The following PRAMEF15 variants were observed in gnomAD, a reference collection of about 807,000 sequenced individuals.
PRAMEF15 encodes the protein PRAME family member 9/15.
In PRAMEF15, 21 loss-of-function variants were observed where a neutral mutation model predicts 35.3. The ratio of observed to expected loss-of-function variants is 0.59; its 90% CI spans 0.42 to 0.86. The LOEUF is 0.86. Ranked by LOEUF, PRAMEF15 falls within the 40% of genes least tolerant of loss-of-function variation. The pLI is 0.00. For missense variants in PRAMEF15, 360 were observed against 574.1 expected, an observed-to-expected ratio of 0.63 and a Z score of 3.81; for synonymous variants, 122 against 223.3, an observed-to-expected ratio of 0.55 and a Z score of 4.05.
Position 13,322,582 on chromosome 1 carries a change from A to C in PRAMEF15, c.*318A>C. The C allele has an allele frequency of 2.7e-6, 1 of 372,324 alleles. No homozygotes were observed. The highest frequency in any genetic ancestry group is 4.9e-6 in the Non-Finnish European group (1 of 205,438). The allele number at this position is 372,324 out of a possible 1,614,324, so 23.1% of individuals were successfully genotyped here. On this transcript the variant is annotated 3_prime_UTR_variant, in exon 4 of 4. Coordinates refer to ENST00000376152, the MANE Select transcript of PRAMEF15 (RefSeq NM_001098376.3). ...GTTGTAAAGAAACAATCAGAAATAA[A>C]GGAAAACTGAGCAGAATCTGTCTGG...
rs2100318684 is a variant in PRAMEF15 at position 13,318,407 on chromosome 1, C to A, written c.-1C>A. 6 of 1,612,324 alleles carry A rather than the reference C, an allele frequency of 3.7e-6. No homozygotes were observed. Among genetic ancestry groups the A allele is most frequent in the East Asian group, 2.2e-5 (1 of 44,868 alleles). On this transcript the variant is annotated 5_prime_UTR_variant, in exon 2 of 4. Coordinates refer to ENST00000376152, the MANE Select transcript of PRAMEF15 (RefSeq NM_001098376.3). The stretch of plus-strand genomic sequence containing the variant: ...CCTCTGGAAGTTTTCCCTGCAGATT[C>A]ATGAAGATGAGCATCCGGACTCCAC...
intron 1 of PRAMEF15, among the ~76,000 whole-genome samples, chr1:13,316,640 G>C (rs1640009196): frequency 6.6e-6 from 1 of 151,884 alleles, no homozygotes; most frequent in Admixed American, 6.6e-5. Context: ...GGGCGACGAT[G>C]TGAGACTCAG....
chr1:13,317,178 T>TC (rs1354923050), intron 1 of PRAMEF15, among the ~76,000 whole-genome samples: 2 of 151,674 alleles, frequency 1.3e-5, no homozygotes, highest in Non-Finnish European at 2.9e-5. Context: ...CAAGTGATCC[T>TC]CCTACCTCAG....
In PRAMEF15 at chr1:13,317,869, G is replaced by C. The variant is rs1231935792; in HGVS notation, c.-16-523G>C. Among the ~76,000 whole-genome samples, 3 of 149,846 alleles carry C rather than the reference G, an allele frequency of 2.0e-5. 1 individual carries two copies. Among genetic ancestry groups the C allele is most frequent in the African/African-American group, 7.5e-5 (3 of 40,120 alleles). On this transcript the variant is annotated intron_variant, in intron 1 of 3. Transcript: ENST00000376152. ...GAAAGAAAGAAGGGAGAGAGAGGGG[G>C]AAAGAAAGAAAGAAGGGAGGGAGAG...
intron 1 of PRAMEF15, among the ~76,000 whole-genome samples, 164 bp from the exon 2 acceptor site, chr1:13,318,228 A>G (rs1640031842): frequency 6.6e-6 from 1 of 152,120 alleles, no homozygotes; most frequent in African/African-American, 2.4e-5. Flanking sequence ...GATGCAGCAG[A>G]GGCAGAATGC....
intron 2 of PRAMEF15, among the ~76,000 whole-genome samples, chr1:13,319,031 TACA>T (rs1232070591): frequency 2.0e-5 from 3 of 151,860 alleles, no homozygotes; most frequent in African/African-American, 7.3e-5. Flanking sequence ...CCAACTCTAC[TACA>T]AATACAAAAA....
rs2100321209 is a variant in PRAMEF15 at position 13,319,352 on chromosome 1, T to C, written c.294-20T>C. 1 of 1,608,988 alleles carries C rather than the reference T, an allele frequency of 6.2e-7. No homozygotes were observed. Among genetic ancestry groups the C allele is most frequent in the South Asian group, 1.1e-5 (1 of 90,966 alleles). On this transcript the variant is annotated intron_variant, in intron 2 of 3. Transcript: ENST00000376152. Reference sequence around the variant, plus strand: ...GAAATGAGTTCTTAAATTCTCAGTCTCACCTCTATTTTGCCACAGGAGGTG... The same window carrying C: ...GAAATGAGTTCTTAAATTCTCAGTCCCACCTCTATTTTGCCACAGGAGGTG...
chr1:13,316,145 A>G (rs1399066282), intron 1 of PRAMEF15, among the ~76,000 whole-genome samples: 1 of 151,692 alleles, frequency 6.6e-6, no homozygotes, highest in South Asian at 2.1e-4. Flanking sequence ...CTGGTGTCAC[A>G]GACATCTGAA....
intron 3 of PRAMEF15, among the ~76,000 whole-genome samples, chr1:13,321,215 T>TC (rs1374885208): frequency 2.0e-4 from 30 of 147,934 alleles, no homozygotes; most frequent in Non-Finnish European, 4.0e-4. Flanking sequence ...AATTATTTTT[T>TC]CTCCTTTTTT....
At chr1:13,320,271 A>T (rs1640066071) in intron 3 of PRAMEF15, among the ~76,000 whole-genome samples, 1 of 152,090 alleles carries the variant, frequency 6.6e-6, no homozygotes, top group Non-Finnish European at 1.5e-5. Context: ...AAGATGATGA[A>T]AAATACACCA....
intron 2 of PRAMEF15, 128 bp from the exon 3 acceptor site, chr1:13,319,244 A>C: frequency 6.6e-7 from 1 of 1,516,908 alleles, no homozygotes; most frequent in Non-Finnish European, 8.9e-7. Flanking sequence ...TCCAAGGGGA[A>C]AACAGAGTGA....
intron 3 of PRAMEF15, among the ~76,000 whole-genome samples, chr1:13,321,364 G>C (rs1206686957): frequency 5.9e-5 from 9 of 151,318 alleles, no homozygotes; most frequent in East Asian, 1.9e-4. Context: ...GCAGGCTCCC[G>C]CCACCACACC....
intron 1 of PRAMEF15, among the ~76,000 whole-genome samples, chr1:13,317,949 A>T (rs1187921220): frequency 0.046 from 6,991 of 151,754 alleles, 11 homozygotes; most frequent in East Asian, 0.23. Flanking sequence ...TTAAATAATG[A>T]AAAGAAAACA....
At chr1:13,320,689 G>A (rs1640072807) in intron 3 of PRAMEF15, among the ~76,000 whole-genome samples, 1 of 152,180 alleles carries the variant, frequency 6.6e-6, no homozygotes, top group South Asian at 2.1e-4. Context: ...CTCCCAAAGT[G>A]CTGGGATTAT....
chr1:13,319,374 G>C lies in PRAMEF15; in HGVS notation c.296G>C (p.Arg99Thr), dbSNP rs1217898765. Residue 99 changes from arginine to threonine, a missense_variant and splice_region_variant, in exon 3 of 4, where the codon AGG (arginine) becomes ACG (threonine). Transcript: ENST00000376152. ...GTCTCACCTCTATTTTGCCACAGGAGGTGGAAACTCCAAGTGCTGGATTTA... is the reference window on the plus strand; with the variant it reads ...GTCTCACCTCTATTTTGCCACAGGACGTGGAAACTCCAAGTGCTGGATTTA... Reference protein sequence around the residue: ...ALLTQGVRPRRWKLQVLDLQD... With the variant: ...ALLTQGVRPRTWKLQVLDLQD... 1 of 1,610,632 alleles carries C rather than the reference G, an allele frequency of 6.2e-7. No homozygotes were observed. Among genetic ancestry groups the C allele is most frequent in the African/African-American group, 1.3e-5 (1 of 74,698 alleles).
At chr1:13,318,291 T>G in intron 1 of PRAMEF15, 101 bp from the exon 2 acceptor site, 7 of 1,534,014 alleles carry the variant, frequency 4.6e-6, no homozygotes, top group Non-Finnish European at 6.2e-6. Flanking sequence ...TGAGGACTCT[T>G]TCACCATTGC....
intron 2 of PRAMEF15, among the ~76,000 whole-genome samples, chr1:13,318,947 C>T (rs1372929590): frequency 2.0e-4 from 31 of 152,064 alleles, no homozygotes; most frequent in South Asian, 4.2e-4. Context: ...GGCACGGTGG[C>T]TCACAATGTA....
chr1:13,318,681 A>C lies in PRAMEF15; in HGVS notation c.274A>C (p.Thr92Pro), dbSNP rs2100319598. ...GCTCGATGGGCTTGATGCACTGCTT[A>C]CCCAAGGGGTTCGTCCCAGGTGAGG... The part of the protein sequence containing the change: ...AVLDGLDALL[T>P]QGVRPRRWKL... The change falls in exon 2 of 4, where the codon ACC becomes CCC. Residue 92 changes from threonine to proline, a missense_variant. Thr to Pro is a conservative substitution (Grantham distance 38). This residue lies in a region of PRAMEF15 where 44 missense variants were observed against 25.9 expected (regional missense o/e 1.70). Coordinates refer to ENST00000376152, the MANE Select transcript of PRAMEF15 (RefSeq NM_001098376.3). 6.2e-7 allele frequency: 1 copy of C among 1,613,894 alleles called. No homozygotes were observed. Among genetic ancestry groups the C allele is most frequent in the East Asian group, 2.2e-5 (1 of 44,868 alleles).
intron 1 of PRAMEF15, 140 bp from the exon 2 acceptor site, chr1:13,318,252 A>T (rs1640032232): frequency 6.9e-7 from 1 of 1,447,146 alleles, no homozygotes; most frequent in Admixed American, 2.1e-5. Flanking sequence ...CTTAATGGCC[A>T]CTGAGTACAG....
Sources: allele counts gnomAD v4.1 joint callset (sites outside exome capture counted in the v4.1 genomes callset), GRCh38; gene constraint gnomAD v4.1.1; regional missense constraint gnomAD v4.1.1; transcripts MANE v1.5; gene names NCBI Gene and HGNC (gene_info 2026-07-23, HGNC 2026-07-21).